INTS4: variants seen among roughly 807,000 people sequenced by gnomAD.
INTS4 encodes integrator complex subunit 4, also known as MSTP093.
Under a neutral mutation model 119.5 loss-of-function variants are expected in INTS4, and 70 were observed. That is an observed-to-expected ratio of 0.59 (90% CI 0.48 to 0.71). INTS4 has a LOEUF of 0.71. INTS4 is among the 30% of genes least tolerant of loss of function. INTS4 has a pLI of 0.00. For missense variants in INTS4, 867 were observed against 1,173.2 expected (o/e 0.74, Z 3.81); for synonymous variants, 316 against 419.6 (o/e 0.75, Z 3.02).
intron 3 of INTS4, 76 bp downstream of exon 3, chr11:77,981,383 A>C (rs1371146100): frequency 2.5e-5 from 15 of 606,948 alleles, no homozygotes; most frequent in Non-Finnish European, 3.8e-5. Context: ...AACACAACAA[A>C]ATTTTGTCCT....
Position 77,901,636 on chromosome 11 carries a change from T to A in INTS4, c.2098-85A>T, listed in dbSNP as rs1164162879. 4 of 982,586 alleles carry A rather than the reference T, an allele frequency of 4.1e-6. No homozygotes were observed. The Admixed American group carries it at 8.6e-5, about 21-fold the overall frequency. 60.9% of individuals were successfully genotyped at this position (982,586 alleles called of 1,614,324 possible). ...ATAGAATTCTACTGTTAAATGACCT[T>A]AGGTGAAACTCTTAACTGAGATTTT... On this transcript the variant is annotated intron_variant, in intron 17 of 22. Transcript: ENST00000534064.
At position 77,994,577 on chromosome 11, in the gene INTS4, C is replaced by A; in HGVS notation, c.54+13G>T. 1 of 1,601,954 alleles carries A rather than the reference C, an allele frequency of 6.2e-7. No homozygotes were observed. The highest frequency in any genetic ancestry group is 8.6e-7 in the Non-Finnish European group (1 of 1,168,768). ...GTCCGGATCGGTTCTGGATCTTTCC[C>A]GCCAGAGCTTACCTGAACCACTTTC... On this transcript the variant is annotated intron_variant, in intron 1 of 22. Coordinates refer to ENST00000534064, the MANE Select transcript of INTS4 (RefSeq NM_033547.4).
At position 77,958,730 on chromosome 11, in the gene INTS4, T is replaced by G. The variant is rs1457291404; in HGVS notation, c.797+16A>C. ...GGCTTCACAATCAACAAAAGCCAGC[T>G]TACACCCACACTGACCTTTCAGGAT... is the stretch of plus-strand genomic sequence containing the variant. On this transcript the variant is annotated intron_variant, in intron 7 of 22. Transcript: ENST00000534064. 6.5e-7 allele frequency: 1 copy of G among 1,549,108 alleles called. No homozygotes were observed. Among genetic ancestry groups the G allele is most frequent in the Admixed American group, 1.7e-5 (1 of 59,726 alleles).
At chr11:77,934,856 A>G (rs926625014) in intron 10 of INTS4, among the ~76,000 whole-genome samples, 2 of 152,218 alleles carry the variant, frequency 1.3e-5, no homozygotes, top group African/African-American at 4.8e-5. Context: ...TGATAAGATA[A>G]CCCAATTCTT....
chr11:77,902,002 T>C (rs1228875942), intron 17 of INTS4, among the ~76,000 whole-genome samples: 3 of 152,134 alleles, frequency 2.0e-5, no homozygotes, highest in Admixed American at 6.5e-5. Context: ...CTGAGGGAGT[T>C]TGGGACAGAA....
In INTS4 at chr11:77,905,253, T is replaced by C. The variant is rs576571712; in HGVS notation, c.2017-1633A>G. ...GGGTGGATGACCTGAGGTCAGGAGA[T>C]GGAGACCAGCCTGACCAACATGGCA... is the stretch of plus-strand genomic sequence containing the variant. On this transcript the variant is annotated intron_variant, in intron 16 of 22. Coordinates refer to ENST00000534064, the MANE Select transcript of INTS4 (RefSeq NM_033547.4). 9.2e-5 allele frequency among the ~76,000 whole-genome samples: 14 copies of C among 152,108 alleles called. No individual in the cohort carries two copies. The East Asian group carries it at 2.5e-3, about 27-fold the overall frequency.
intron 8 of INTS4, among the ~76,000 whole-genome samples, chr11:77,952,777 T>C (rs1189441795): frequency 6.6e-6 from 1 of 152,200 alleles, no homozygotes; most frequent in Admixed American, 6.5e-5. Context: ...TCAGATCCTA[T>C]AGAGTACAAA....
At chr11:77,990,686 C>CAAAA (rs781257703) in intron 2 of INTS4, among the ~76,000 whole-genome samples, 3 of 98,464 alleles carry the variant, frequency 3.0e-5, no homozygotes, top group African/African-American at 7.7e-5. Context: ...ACTCTGTCTC[C>CAAAA]AAAAAAAAAA....
intron 19 of INTS4, among the ~76,000 whole-genome samples, chr11:77,892,403 A>C (rs1327442368): frequency 6.6e-6 from 1 of 152,160 alleles, no homozygotes; most frequent in Non-Finnish European, 1.5e-5. Context: ...TGAGGAGGTG[A>C]TATCTGTGCA....
chr11:77,895,614 T>G (rs1385139237), intron 18 of INTS4, among the ~76,000 whole-genome samples: 1 of 146,048 alleles, frequency 6.8e-6, no homozygotes, highest in African/African-American at 2.5e-5. Flanking sequence ...TGAAATTTCA[T>G]AGTGAGGTTA....
Position 77,905,574 on chromosome 11 carries a change from T to C in INTS4, c.2017-1954A>G, listed in dbSNP as rs141324281. Among the ~76,000 whole-genome samples, 587 of 152,324 alleles carry C rather than the reference T, an allele frequency of 3.9e-3. 4 individuals are homozygous for C. Among genetic ancestry groups the C allele is most frequent in the African/African-American group, 0.013 (539 of 41,588 alleles). ...ACAATACTGACTTTGTGTATAAGCA[T>C]TGAGTGTGTACACAAAATGTTGAAA... On this transcript the variant is annotated intron_variant, in intron 16 of 22. Transcript: ENST00000534064.
chr11:77,899,537 T>A (rs1438976736), intron 18 of INTS4, among the ~76,000 whole-genome samples: 2 of 151,270 alleles, frequency 1.3e-5, no homozygotes, highest in African/African-American at 4.9e-5. Context: ...GGGCATGGTG[T>A]TGCATGCCTG....
rs745642228 is a variant in INTS4 at position 77,938,636 on chromosome 11, T to C, written c.1165+15A>G. On this transcript the variant is annotated intron_variant, in intron 10 of 22. Transcript: ENST00000534064. ...CACTTAAAGAGTGCTATTGCTATTATACAGTCATACTTACCATACATCTCA... is the reference window on the plus strand; with the variant it reads ...CACTTAAAGAGTGCTATTGCTATTACACAGTCATACTTACCATACATCTCA... 15 of 1,607,580 alleles carry C rather than the reference T, an allele frequency of 9.3e-6. No homozygotes were observed. The highest frequency in any genetic ancestry group is 8.4e-5 in the Admixed American group (5 of 59,628).
At chr11:77,877,693 C>G (rs1326376981), downstream of INTS4, among the ~76,000 whole-genome samples, 1 of 152,156 alleles carries the variant, frequency 6.6e-6, no homozygotes, top group African/African-American at 2.4e-5. Flanking sequence ...GTACATAGCA[C>G]AGGCAGTACC....
At chr11:77,894,499 A>G (rs1591020627) in intron 18 of INTS4, 150 bp from the exon 19 acceptor site, 3 of 535,322 alleles carry the variant, frequency 5.6e-6, no homozygotes, top group Non-Finnish European at 1.0e-5. Flanking sequence ...CTCCTAATGG[A>G]CCTGGGGGAA....
intron 3 of INTS4, 45 bp downstream of exon 3, chr11:77,981,414 T>C (rs1361942733): frequency 1.1e-6 from 1 of 925,884 alleles, no homozygotes; most frequent in South Asian, 2.3e-5. Flanking sequence ...CAAAAAGAAC[T>C]AAATATTTCT....
At chr11:77,958,993 AC>A (rs1380020900) in intron 6 of INTS4, among the ~76,000 whole-genome samples, 159 bp from the exon 7 acceptor site, 1 of 152,098 alleles carries the variant, frequency 6.6e-6, no homozygotes, top group Non-Finnish European at 1.5e-5. Flanking sequence ...ATGAATCTTG[AC>A]CTCTGTCAGC....
intron 15 of INTS4, chr11:77,918,240 T>A (rs571617997): frequency 1.9e-4 from 116 of 624,324 alleles, no homozygotes; most frequent in Non-Finnish European, 3.1e-4. Flanking sequence ...GAGACCAGCC[T>A]GGCCACCATG....
At chr11:77,981,109 A>G (rs1050063847) in intron 3 of INTS4, among the ~76,000 whole-genome samples, 1 of 149,988 alleles carries the variant, frequency 6.7e-6, no homozygotes, top group Non-Finnish European at 1.5e-5. Context: ...GGTCATTAAC[A>G]TGTTTGGACT....
Sources: allele counts gnomAD v4.1 joint callset (sites outside exome capture counted in the v4.1 genomes callset), GRCh38; gene constraint gnomAD v4.1.1; transcripts MANE v1.5; gene names NCBI Gene and HGNC (gene_info 2026-07-23, HGNC 2026-07-21).